Variants in GLRB observed in about 807,000 individuals in gnomAD.
The protein encoded by GLRB is glycine receptor subunit beta.
A neutral mutation model predicts 54.2 loss-of-function variants in GLRB; 33 were observed. The ratio of observed to expected loss-of-function variants is 0.61; its 90% CI spans 0.46 to 0.81. The LOEUF (loss-of-function observed/expected upper bound fraction) is 0.81. GLRB is among the 40% of genes least tolerant of loss of function. GLRB has a pLI of 0.00. For synonymous variants in GLRB, 209 were observed against 208.2 expected (o/e 1.00, Z -0.03); for missense variants, 572 against 584.6 (o/e 0.98, Z 0.22).
chr4:157,151,185 G>A (rs1737009556), intron 8 of GLRB, among the ~76,000 whole-genome samples: 1 of 152,222 alleles, frequency 6.6e-6, no homozygotes, highest in East Asian at 1.9e-4. Context: ...AGAGAGGATA[G>A]TGTCAAAATA....
intron 4 of GLRB, among the ~76,000 whole-genome samples, chr4:157,134,393 T>C (rs910161810): frequency 6.6e-6 from 1 of 151,880 alleles, no homozygotes; most frequent in South Asian, 2.1e-4. Context: ...ATCATCTCTA[T>C]ACAATTTTTT....
chr4:157,104,307 T>A (rs1214102136), intron 2 of GLRB, among the ~76,000 whole-genome samples: 1 of 152,198 alleles, frequency 6.6e-6, no homozygotes, highest in Non-Finnish European at 1.5e-5. Flanking sequence ...TCAATTAATA[T>A]GATTATGTGA....
At chr4:157,160,821 G>C (rs1250233716) in intron 9 of GLRB, among the ~76,000 whole-genome samples, 1 of 152,172 alleles carries the variant, frequency 6.6e-6, no homozygotes, top group Non-Finnish European at 1.5e-5. Flanking sequence ...GATTTGGGGT[G>C]GGGAGTTCTG....
chr4:157,092,478 T>G (rs1323916022), intron 2 of GLRB, among the ~76,000 whole-genome samples: 1 of 152,242 alleles, frequency 6.6e-6, no homozygotes. Context: ...TTTTGCATGT[T>G]TACTATTACT....
intron 2 of GLRB, among the ~76,000 whole-genome samples, chr4:157,107,534 C>G (rs960986789): frequency 1.3e-5 from 2 of 152,074 alleles, no homozygotes; most frequent in Non-Finnish European, 2.9e-5. Flanking sequence ...ATGACATTCC[C>G]TTAAGCCAAA....
chr4:157,094,783 G>A (rs1734743892), intron 2 of GLRB, among the ~76,000 whole-genome samples: 1 of 152,056 alleles, frequency 6.6e-6, no homozygotes, highest in African/African-American at 2.4e-5. Flanking sequence ...ATAAGCATTT[G>A]GTAAACCATT....
chr4:157,162,324 C>A (rs746012050), intron 9 of GLRB, among the ~76,000 whole-genome samples: 11 of 152,192 alleles, frequency 7.2e-5, no homozygotes, highest in Non-Finnish European at 1.6e-4. Context: ...TCATCTGAAG[C>A]CTTCTTCTCT....
chr4:157,162,208 T>G (rs1737525479), intron 9 of GLRB, among the ~76,000 whole-genome samples: 1 of 152,224 alleles, frequency 6.6e-6, no homozygotes, highest in Non-Finnish European at 1.5e-5. Flanking sequence ...TTCTCTACAC[T>G]GTTTATTTCA....
intron 9 of GLRB, among the ~76,000 whole-genome samples, chr4:157,164,322 A>T (rs1352306681): frequency 2.6e-5 from 4 of 152,190 alleles, no homozygotes; most frequent in African/African-American, 9.7e-5. Flanking sequence ...CCAGGCCAGA[A>T]ATGGAAGGAA....
chr4:157,164,422 C>A (rs1181105977), intron 9 of GLRB, among the ~76,000 whole-genome samples: 1 of 152,142 alleles, frequency 6.6e-6, no homozygotes, highest in African/African-American at 2.4e-5. Context: ...ATCTCCCTAT[C>A]TTTTACCACT....
chr4:157,166,732 T>C (rs902017073), intron 9 of GLRB, among the ~76,000 whole-genome samples: 6 of 152,056 alleles, frequency 3.9e-5, no homozygotes, highest in Non-Finnish European at 7.4e-5. Flanking sequence ...ATATAACCAA[T>C]TTGCAGCTTT....
In GLRB at chr4:157,136,656, T is replaced by A; in HGVS notation, c.485T>A (p.Leu162His). 1 of 1,612,644 alleles carries A rather than the reference T, an allele frequency of 6.2e-7. No homozygotes were observed. The change falls in exon 5 of 10, where the codon CTC becomes CAC. Residue 162 changes from leucine to histidine, a missense_variant. Leu to His is a moderately conservative substitution (Grantham distance 99). Transcript: ENST00000264428. ...NFHDVTQENILLFIFRDGDVL... is the reference protein window; with the variant it reads ...NFHDVTQENIHLFIFRDGDVL... ...CATGATGTGACCCAGGAAAACATCCTCCTCTTTATTTTTCGTGATGGAGAT... is the reference window on the plus strand; with the variant it reads ...CATGATGTGACCCAGGAAAACATCCACCTCTTTATTTTTCGTGATGGAGAT...
intron 9 of GLRB, among the ~76,000 whole-genome samples, chr4:157,160,222 C>G (rs1008858906): frequency 6.6e-6 from 1 of 151,916 alleles, no homozygotes; most frequent in African/African-American, 2.4e-5. Context: ...ATTCTTCTCT[C>G]TTTTCTTCTT....
chr4:157,127,990 T>C (rs1736076656), intron 4 of GLRB, among the ~76,000 whole-genome samples: 1 of 151,898 alleles, frequency 6.6e-6, no homozygotes, highest in Admixed American at 6.6e-5. Flanking sequence ...AGTAATTTTT[T>C]TCCTTCTGAA....
chr4:157,157,989 C>T (rs1560975026), intron 9 of GLRB, among the ~76,000 whole-genome samples: 1 of 152,196 alleles, frequency 6.6e-6, no homozygotes, highest in Non-Finnish European at 1.5e-5. Flanking sequence ...TCCACATCCT[C>T]TCCAGCACCT....
chr4:157,130,246 G>T (rs944182642), intron 4 of GLRB, among the ~76,000 whole-genome samples: 1 of 151,580 alleles, frequency 6.6e-6, no homozygotes, highest in Admixed American at 6.6e-5. Flanking sequence ...ATCTTCAGTG[G>T]CTTCCTCATT....
chr4:157,099,665 G>C (rs147028644), intron 2 of GLRB, among the ~76,000 whole-genome samples: 18 of 152,178 alleles, frequency 1.2e-4, no homozygotes, highest in African/African-American at 4.3e-4. Flanking sequence ...CATGTATTTT[G>C]TTGGACATAA....
intron 8 of GLRB, among the ~76,000 whole-genome samples, chr4:157,144,655 T>G (rs1328592694): frequency 6.6e-6 from 1 of 152,158 alleles, no homozygotes; most frequent in Non-Finnish European, 1.5e-5. Flanking sequence ...TTCAAAATTT[T>G]TTATTACTGT....
intron 2 of GLRB, among the ~76,000 whole-genome samples, chr4:157,087,983 G>T (rs1246147516): frequency 3.3e-5 from 5 of 152,046 alleles, no homozygotes; most frequent in Non-Finnish European, 7.4e-5. Flanking sequence ...TAGAATTCAT[G>T]AAGCCAATTA....
Sources: gnomAD v4.1 joint callset for allele counts (sites outside exome capture counted in the v4.1 genomes callset) on GRCh38, gnomAD v4.1.1 for gene constraint, MANE v1.5 for transcripts, NCBI Gene and HGNC (gene_info 2026-07-23, HGNC 2026-07-21) for gene names.